AGBL4: variants seen among roughly 807,000 people sequenced by gnomAD.
AGBL4 encodes the protein cytosolic carboxypeptidase 6.
In AGBL4, 58 loss-of-function variants were observed where a neutral mutation model predicts 66.4. The observed-to-expected ratio is 0.87, with a 90% CI of 0.71 to 1.09. AGBL4 has a LOEUF of 1.09. Ranked by LOEUF, AGBL4 falls within the 50% of genes least tolerant of loss-of-function variation. The pLI is 0.00. For synonymous variants in AGBL4, 234 were observed against 222.9 expected, an observed-to-expected ratio of 1.05 and a Z score of -0.44; for missense variants, 579 against 631.0, an observed-to-expected ratio of 0.92 and a Z score of 0.88.
intron 3 of AGBL4, among the ~76,000 whole-genome samples, chr1:49,274,693 T>G (rs1644132770): frequency 6.6e-6 from 1 of 152,094 alleles, no homozygotes; most frequent in Non-Finnish European, 1.5e-5. Flanking sequence ...AAATACATGC[T>G]TCTGATAACT....
At chr1:48,843,717 G>A (rs1032400647) in intron 6 of AGBL4, among the ~76,000 whole-genome samples, 1 of 151,718 alleles carries the variant, frequency 6.6e-6, no homozygotes, top group Non-Finnish European at 1.5e-5. Context: ...AGTCAGAAAG[G>A]CCCTTTGAAA....
intron 2 of AGBL4, chr1:49,842,023 C>T (rs945437649): frequency 3.0e-5 from 12 of 399,884 alleles, no homozygotes; most frequent in Non-Finnish European, 5.7e-5. Context: ...GCACCCAGCC[C>T]ATATTCACGT....
chr1:48,915,420 A>G (rs1570991222), intron 5 of AGBL4, among the ~76,000 whole-genome samples: 2 of 152,122 alleles, frequency 1.3e-5, no homozygotes, highest in African/African-American at 4.8e-5. Context: ...CTTTTGGAAC[A>G]TTGTCCCCAC....
intron 1 of AGBL4, among the ~76,000 whole-genome samples, chr1:49,887,361 C>A (rs1045635080): frequency 6.6e-6 from 1 of 151,276 alleles, no homozygotes; most frequent in Admixed American, 6.6e-5. Context: ...AAAAAGGTAA[C>A]ATGATACAAA....
chr1:48,932,870 A>G (rs2148904865), intron 5 of AGBL4, among the ~76,000 whole-genome samples: 1 of 152,254 alleles, frequency 6.6e-6, no homozygotes, highest in Non-Finnish European at 1.5e-5. Context: ...CAACCAACTA[A>G]CCGGAAACAA....
intron 3 of AGBL4, among the ~76,000 whole-genome samples, chr1:49,502,198 T>C (rs1471090448): frequency 3.3e-5 from 5 of 152,166 alleles, no homozygotes; most frequent in African/African-American, 1.2e-4. Flanking sequence ...TGTTGGCCTT[T>C]GGCCACAGAC....
At chr1:48,570,152 T>G (rs1369045565) in intron 11 of AGBL4, among the ~76,000 whole-genome samples, 1 of 152,246 alleles carries the variant, frequency 6.6e-6, no homozygotes, top group Admixed American at 6.5e-5. Flanking sequence ...TTGTTCCTTC[T>G]TGTCCTGCTC....
intron 2 of AGBL4, among the ~76,000 whole-genome samples, chr1:49,811,629 A>C: frequency 6.6e-6 from 1 of 152,052 alleles, no homozygotes; most frequent in East Asian, 1.9e-4. Flanking sequence ...TATTATTAAA[A>C]ATTTTTTTAG....
intron 6 of AGBL4, among the ~76,000 whole-genome samples, chr1:48,770,719 C>T (rs761222954): frequency 1.3e-5 from 2 of 152,206 alleles, no homozygotes; most frequent in African/African-American, 2.4e-5. Context: ...TTTCAACCAG[C>T]TACACTTCCA....
chr1:49,982,434 C>G (rs867722298), intron 1 of AGBL4, among the ~76,000 whole-genome samples: 5 of 152,232 alleles, frequency 3.3e-5, no homozygotes, highest in African/African-American at 1.2e-4. Context: ...TGGGTGCCAA[C>G]AAACACAGAA....
chr1:49,736,321 G>A (rs545952188), intron 2 of AGBL4, among the ~76,000 whole-genome samples: 1 of 151,790 alleles, frequency 6.6e-6, no homozygotes, highest in East Asian at 1.9e-4. Context: ...TCCTCAGCAA[G>A]AGTAACCTCT....
chr1:48,721,370 G>A (rs557639273), intron 6 of AGBL4, among the ~76,000 whole-genome samples: 1 of 152,300 alleles, frequency 6.6e-6, no homozygotes, highest in South Asian at 2.1e-4. Context: ...GGCCATGAAT[G>A]AGAAATGCTG....
At chr1:48,576,493 C>G (rs757825036) in intron 11 of AGBL4, among the ~76,000 whole-genome samples, 10 of 152,088 alleles carry the variant, frequency 6.6e-5, no homozygotes, top group Non-Finnish European at 1.3e-4. Flanking sequence ...TTTACCAGTT[C>G]CTCATATATC....
At chr1:49,819,383 C>T (rs1645310128) in intron 2 of AGBL4, among the ~76,000 whole-genome samples, 1 of 152,154 alleles carries the variant, frequency 6.6e-6, no homozygotes, top group Non-Finnish European at 1.5e-5. Flanking sequence ...TAGCAACTTA[C>T]AGAACAGTTA....
chr1:49,009,537 C>T (rs2149003281), intron 5 of AGBL4, among the ~76,000 whole-genome samples: 1 of 152,154 alleles, frequency 6.6e-6, no homozygotes, highest in African/African-American at 2.4e-5. Context: ...ATGAGGCCAG[C>T]ATCATTCTGA....
intron 2 of AGBL4, chr1:49,845,166 T>C: frequency 7.1e-7 from 1 of 1,410,608 alleles, no homozygotes; most frequent in Non-Finnish European, 1.0e-6. Context: ...CTTATGAATG[T>C]CACAAATGAG....
chr1:49,752,078 G>A (rs566253975), intron 2 of AGBL4, among the ~76,000 whole-genome samples: 167 of 151,536 alleles, frequency 1.1e-3, no homozygotes, highest in African/African-American at 3.8e-3. Context: ...ATCCCCTTCA[G>A]TTCTGCTCTG....
chr1:49,205,361 T>C (rs1648048017), intron 4 of AGBL4, among the ~76,000 whole-genome samples: 1 of 152,126 alleles, frequency 6.6e-6, no homozygotes, highest in South Asian at 2.1e-4. Flanking sequence ...TTTTAGCTGC[T>C]ATTGATTCTC....
chr1:48,713,530 AG>A (rs1247164877), intron 6 of AGBL4, among the ~76,000 whole-genome samples: 5 of 152,148 alleles, frequency 3.3e-5, no homozygotes, highest in Non-Finnish European at 7.3e-5. Flanking sequence ...CACAGGATGA[AG>A]GGTATGGTGA....
Sources: allele counts gnomAD v4.1 joint callset (sites outside exome capture counted in the v4.1 genomes callset), GRCh38; gene constraint gnomAD v4.1.1; transcripts MANE v1.5; gene names NCBI Gene and HGNC (gene_info 2026-07-23, HGNC 2026-07-21).